Variants in LAMA1 observed in about 807,000 individuals in gnomAD.
LAMA1 encodes laminin subunit alpha-1.
In LAMA1, 219 loss-of-function variants were observed where a neutral mutation model predicts 348.7. That is an observed-to-expected ratio of 0.63 (90% CI 0.56 to 0.70). LAMA1 has a LOEUF of 0.70. LAMA1 is among the 30% of genes least tolerant of loss of function. LAMA1 has a pLI of 0.00. For missense variants in LAMA1, 3,744 were observed against 3,888.0 expected (o/e 0.96, Z 0.99); for synonymous variants, 1,487 against 1,491.0 (o/e 1.00, Z 0.06).
At chr18:7,058,389 A>G (rs1736396733) in intron 3 of LAMA1, among the ~76,000 whole-genome samples, 1 of 152,170 alleles carries the variant, frequency 6.6e-6, no homozygotes, top group African/African-American at 2.4e-5. Context: ...AAGTCTGATA[A>G]ACAGGCAAAG....
chr18:7,011,299 C>A lies in LAMA1; in HGVS notation c.3687+1G>T, dbSNP rs780281884. ...GGCTCTCGGCTGGGCGTGCACCTCA[C>A]CTGGTCTCCTTGGAACTGCTGCGGC... On this transcript the variant is annotated splice_donor_variant, in intron 25 of 62. Coordinates refer to ENST00000389658, the MANE Select transcript of LAMA1 (RefSeq NM_005559.4). LOFTEE classifies it high-confidence loss of function. 1.2e-6 allele frequency: 2 copies of A among 1,610,446 alleles called. No homozygotes were observed. The highest frequency in any genetic ancestry group is 1.7e-6 in the Non-Finnish European group (2 of 1,179,106).
chr18:7,060,601 G>A (rs2058098592), intron 3 of LAMA1, among the ~76,000 whole-genome samples: 1 of 152,024 alleles, frequency 6.6e-6, no homozygotes, highest in Non-Finnish European at 1.5e-5. Context: ...TACTTAAAGT[G>A]GACATTGAAG....
At chr18:7,026,983 CAAAA>C (rs34247523) in intron 16 of LAMA1, among the ~76,000 whole-genome samples, 2 of 68,606 alleles carry the variant, frequency 2.9e-5, no homozygotes, top group African/African-American at 4.9e-5. Flanking sequence ...GACTCCGTCT[CAAAA>C]AAAAAAAAAA....
At chr18:6,968,382 C>T (rs533151396) in intron 48 of LAMA1, among the ~76,000 whole-genome samples, 3 of 152,254 alleles carry the variant, frequency 2.0e-5, no homozygotes, top group Middle Eastern at 3.4e-3. Flanking sequence ...AACCCTGGCC[C>T]GGGCTTGGGA....
At position 7,042,234 on chromosome 18, in the gene LAMA1, T is replaced by C. The variant is rs1382033925; in HGVS notation, c.1172A>G (p.Asp391Gly). Residue 391 changes from aspartate (D) to glycine (G), a missense_variant, in exon 9 of 63, where the codon GAT becomes GGT. Coordinates refer to ENST00000389658, the MANE Select transcript of LAMA1 (RefSeq NM_005559.4). ...ACAATTACAGGGGCGGCAAGGCTCA[T>C]CCTCATAAGGAGACACCTGAAAGGC... is the stretch of plus-strand genomic sequence containing the variant. ...YRPHKVSPYE[D>G]EPCRPCNCDP... 6.2e-7 allele frequency: 1 copy of C among 1,609,478 alleles called. No individual in the cohort carries two copies. The highest frequency in any genetic ancestry group is 1.1e-5 in the South Asian group (1 of 90,346).
chr18:6,989,330 T>C (rs927152445), intron 36 of LAMA1, among the ~76,000 whole-genome samples: 3 of 152,196 alleles, frequency 2.0e-5, no homozygotes, highest in Admixed American at 2.0e-4. Flanking sequence ...TACAGTTATA[T>C]GCTGAATCCT....
At chr18:6,975,780 T>C (rs111817148) in intron 45 of LAMA1, among the ~76,000 whole-genome samples, 157 bp downstream of exon 45, 3,559 of 152,326 alleles carry the variant, frequency 0.023, 66 homozygotes, top group African/African-American at 0.053. Flanking sequence ...TTGTTCATTT[T>C]TCATCTAATG....
chr18:6,997,945 T>C lies in LAMA1; in HGVS notation c.4664-61A>G, dbSNP rs900408728. ...TAATGCGATGTGGTCTGCCCATTTT[T>C]TCATGGAGTTGCGCAAGTTGTTTTG... On this transcript the variant is annotated intron_variant, in intron 32 of 62. Coordinates refer to ENST00000389658, the MANE Select transcript of LAMA1 (RefSeq NM_005559.4). 7 of 1,503,180 alleles carry C rather than the reference T, an allele frequency of 4.7e-6. No homozygotes were observed. In the Admixed American group the frequency reaches 5.0e-5, roughly 11 times the overall value. The allele number at this position is 1,503,180 out of a possible 1,614,324, so 93.1% of individuals were successfully genotyped here. A position where few individuals can be genotyped will look rare whatever the true frequency, so the allele number is the denominator to read the frequency against.
intron 36 of LAMA1, among the ~76,000 whole-genome samples, chr18:6,988,800 C>T (rs2057746305): frequency 9.2e-6 from 1 of 108,392 alleles, no homozygotes; most frequent in African/African-American, 3.8e-5. Context: ...GAGGAGACTC[C>T]GTCTCAATAA....
chr18:7,087,265 A>T (rs1598313233), intron 1 of LAMA1, among the ~76,000 whole-genome samples: 1 of 152,354 alleles, frequency 6.6e-6, no homozygotes, highest in African/African-American at 2.4e-5. Context: ...TTCATAGGTT[A>T]ACCTTCCAAT....
chr18:7,023,772 C>A (rs1430822737), intron 18 of LAMA1, among the ~76,000 whole-genome samples: 1 of 152,168 alleles, frequency 6.6e-6, no homozygotes, highest in Non-Finnish European at 1.5e-5. Flanking sequence ...CCAGAACAGC[C>A]CGGAGCAATG....
Position 7,011,361 on chromosome 18 carries a change from C to CGGACGGTG in LAMA1, c.3618_3625dup (p.Arg1209ProfsTer32). The CGGACGGTG allele has an allele frequency of 6.2e-7, 1 of 1,611,848 alleles. No homozygotes were observed. The highest frequency in any genetic ancestry group is 8.5e-7 in the Non-Finnish European group (1 of 1,179,350). ...AAACGGCTCTGCACGGATGTGCTGC[C>CGGACGGTG]GGACGGTGGCGGCATCCAGCAGGAA... On this transcript the variant is annotated frameshift_variant, in exon 25 of 63. Coordinates refer to ENST00000389658, the MANE Select transcript of LAMA1 (RefSeq NM_005559.4). LOFTEE classifies it high-confidence loss of function.
chr18:7,093,849 C>T (rs1008012738), intron 1 of LAMA1, among the ~76,000 whole-genome samples: 9 of 151,036 alleles, frequency 6.0e-5, no homozygotes, highest in Non-Finnish European at 1.3e-4. Flanking sequence ...ATATCGGCTC[C>T]CCGCATCCTC....
intron 3 of LAMA1, among the ~76,000 whole-genome samples, chr18:7,060,693 A>G (rs374966184): frequency 2.0e-5 from 3 of 152,172 alleles, no homozygotes; most frequent in Non-Finnish European, 4.4e-5. Context: ...ATAGTAACCC[A>G]TGATCGGTAA....
rs58813825 is a variant in LAMA1, at chr18:7,115,814, C to CAAAACAAAAAAA, written c.61+1845_61+1846insTTTTTTTGTTTT. The stretch of plus-strand genomic sequence containing the variant: ...TGAAACCCTGTCTCCACTAAAAATA[C>CAAAACAAAAAAA]AAAAAAAAAAAAAAAAAAATAGCCG... On this transcript the variant is annotated intron_variant, in intron 1 of 62. Coordinates refer to ENST00000389658, the MANE Select transcript of LAMA1 (RefSeq NM_005559.4). Among the ~76,000 whole-genome samples the CAAAACAAAAAAA allele has an allele frequency of 6.4e-4, 61 of 94,818 alleles. 4 individuals carry two copies. Among genetic ancestry groups the CAAAACAAAAAAA allele is most frequent in the Admixed American group, 2.1e-3 (16 of 7,610 alleles). The allele number at this position is 94,818 out of a possible 152,430, so 62.2% of individuals were successfully genotyped here.
intron 33 of LAMA1, 27 bp downstream of exon 33, chr18:6,997,715 G>C (rs774788740): frequency 6.2e-7 from 1 of 1,608,754 alleles, no homozygotes; most frequent in Non-Finnish European, 8.5e-7. Context: ...ACAAGTGTCT[G>C]TTCATCTCTG....
Position 6,966,167 on chromosome 18 carries a change from A to G in LAMA1, c.7030T>C (p.Tyr2344His). ...NTFSPNGLLL[Y>H]LGSYGTKDFL... is the part of the protein sequence containing the mutation. ...CTTACTGTGCCGTATGAACCCAGGT[A>G]GAGAAGAAGTCCATTAGGTGAAAAG... The change falls in exon 49 of 63, where the codon TAC becomes CAC. Residue 2344 changes from tyrosine to histidine, a missense_variant. Around this residue, in one of 3 missense-constraint regions of LAMA1, gnomAD observed 1,983 missense variants for 1,934.3 expected, o/e 1.03. Transcript: ENST00000389658. The G allele has an allele frequency of 6.2e-7, 1 of 1,614,210 alleles. No individual in the cohort carries two copies. Among genetic ancestry groups the G allele is most frequent in the Non-Finnish European group, 8.5e-7 (1 of 1,180,034 alleles).
chr18:7,048,521 G>A (rs2058050740), intron 5 of LAMA1, among the ~76,000 whole-genome samples: 1 of 151,946 alleles, frequency 6.6e-6, no homozygotes, highest in South Asian at 2.1e-4. Flanking sequence ...CAAAGTGTTG[G>A]GATTACACAC....
chr18:6,943,814 G>A (rs184949792), intron 61 of LAMA1, among the ~76,000 whole-genome samples: 670 of 129,342 alleles, frequency 5.2e-3, no homozygotes, highest in Admixed American at 7.4e-3. Flanking sequence ...TTGCACTCCA[G>A]CCTGGGCAAC....
Sources: gnomAD v4.1 joint callset for allele counts (sites outside exome capture counted in the v4.1 genomes callset) on GRCh38, gnomAD v4.1.1 for gene constraint, gnomAD v4.1.1 regional missense constraint, MANE v1.5 for transcripts, NCBI Gene and HGNC (gene_info 2026-07-23, HGNC 2026-07-21) for gene names.